The following GTF2IRD2B variants were observed in gnomAD, a reference collection of about 807,000 sequenced individuals.
The protein encoded by GTF2IRD2B is GTF2I repeat domain containing 2B.
In GTF2IRD2B, 10 loss-of-function variants were observed where a neutral mutation model predicts 55.6. That is an observed-to-expected ratio of 0.18 (90% CI 0.11 to 0.31). The LOEUF is 0.31. Among genes scored for constraint, GTF2IRD2B ranks in the 10% least tolerant of loss-of-function variants. GTF2IRD2B has a pLI of 1.00. For missense variants in GTF2IRD2B, 206 were observed against 802.7 expected (o/e 0.26, Z 8.98); for synonymous variants, 107 against 320.5 (o/e 0.33, Z 7.12).
At chr7:75,120,742 A>T (rs1554451836) in intron 3 of GTF2IRD2B, 149 bp from the exon 4 acceptor site, 8 of 1,002,948 alleles carry the variant, frequency 8.0e-6, no homozygotes, top group Non-Finnish European at 1.0e-5. Flanking sequence ...GTTTATCATA[A>T]ATACAATTTT....
intron 13 of GTF2IRD2B, among the ~76,000 whole-genome samples, chr7:75,141,700 CAAAAAAAAA>C (rs1182120810): frequency 1.1e-4 from 1 of 9,250 alleles, no homozygotes; most frequent in Admixed American, 8.6e-4. Context: ...GACCCTGTCT[CAAAAAAAAA>C]AAAAAAAAAA....
At chr7:75,104,428 A>T (rs1807700671) in intron 1 of GTF2IRD2B, among the ~76,000 whole-genome samples, 1 of 151,550 alleles carries the variant, frequency 6.6e-6, no homozygotes, top group Non-Finnish European at 1.5e-5. Flanking sequence ...CCATTTCTTA[A>T]TACACATTGA....
chr7:75,093,646 A>G (rs1209632889), intron 1 of GTF2IRD2B, among the ~76,000 whole-genome samples: 2 of 152,246 alleles, frequency 1.3e-5, no homozygotes, highest in Non-Finnish European at 2.9e-5. Context: ...TGTGGATAGA[A>G]TCATCCCAAG....
At chr7:75,130,587 C>T (rs1385066917) in intron 8 of GTF2IRD2B, among the ~76,000 whole-genome samples, 1 of 151,960 alleles carries the variant, frequency 6.6e-6, no homozygotes, top group African/African-American at 2.4e-5. Flanking sequence ...AAGTGATTCT[C>T]CTGCTTCAGC....
chr7:75,124,293 G>A (rs374110393), intron 6 of GTF2IRD2B, among the ~76,000 whole-genome samples: 11 of 152,304 alleles, frequency 7.2e-5, no homozygotes, highest in Admixed American at 4.6e-4. Flanking sequence ...ACTTGAACCC[G>A]AGATGTAGAG....
rs587631927 is a variant in GTF2IRD2B at position 75,119,990 on chromosome 7, G to C, written c.239-901G>C. On this transcript the variant is annotated intron_variant, in intron 3 of 15. Transcript: ENST00000472837. ...AAAAAATACAAAAACTTAGCCGGGC[G>C]TGGTGGCAGGCACCTGTAGTCCCAG... Among the ~76,000 whole-genome samples the C allele has an allele frequency of 3.9e-5, 5 of 129,564 alleles. No homozygotes were observed. In the East Asian group the frequency reaches 9.9e-4, roughly 26 times the overall value. 85.0% of individuals were successfully genotyped at this position (129,564 alleles called of 152,430 possible).
intron 11 of GTF2IRD2B, among the ~76,000 whole-genome samples, 178 bp downstream of exon 11, chr7:75,137,028 AC>A (rs1808860762): frequency 6.7e-6 from 1 of 148,948 alleles, no homozygotes; most frequent in Admixed American, 6.7e-5. Context: ...ACATGGCGAA[AC>A]CCTGTCTCTA....
chr7:75,114,237 T>G (rs1554451074), intron 3 of GTF2IRD2B, among the ~76,000 whole-genome samples: 1 of 151,408 alleles, frequency 6.6e-6, no homozygotes, highest in African/African-American at 2.4e-5. Context: ...TAATACAGTA[T>G]GTAACTGATA....
chr7:75,102,095 C>T (rs1264870384), intron 1 of GTF2IRD2B, among the ~76,000 whole-genome samples: 7 of 150,550 alleles, frequency 4.6e-5, no homozygotes, highest in African/African-American at 7.3e-5. Context: ...CTCCGCCTCC[C>T]GGGTTCAAGA....
chr7:75,124,300 A>G (rs1808483833), intron 6 of GTF2IRD2B, among the ~76,000 whole-genome samples: 1 of 152,306 alleles, frequency 6.6e-6, no homozygotes, highest in East Asian at 1.9e-4. Flanking sequence ...CCCGAGATGT[A>G]GAGTTTGCAG....
At chr7:75,115,346 G>C (rs1236790872) in intron 3 of GTF2IRD2B, among the ~76,000 whole-genome samples, 2 of 150,836 alleles carry the variant, frequency 1.3e-5, no homozygotes, top group Non-Finnish European at 3.0e-5. Context: ...AAATCAGGAA[G>C]TATGAGACCT....
chr7:75,099,780 A>G (rs1266808670), intron 1 of GTF2IRD2B, among the ~76,000 whole-genome samples: 1 of 141,620 alleles, frequency 7.1e-6, no homozygotes, highest in African/African-American at 2.6e-5. Context: ...AAATAAATAA[A>G]TAAAACATAA....
chr7:75,149,709 TTCA>T lies in GTF2IRD2B; in HGVS notation c.*413_*415del, dbSNP rs1809271552. ...ATGAGTTCTTAAACTTTTTTTTTTT[TTCA>T]GTTTTTTTTCCACTTTGAATCAGAA... On this transcript the variant is annotated 3_prime_UTR_variant, in exon 16 of 16. Coordinates refer to ENST00000472837, the MANE Select transcript of GTF2IRD2B (RefSeq NM_001003795.3). 4.9e-6 allele frequency: 1 copy of T among 204,680 alleles called. No individual in the cohort carries two copies. Among genetic ancestry groups the T allele is most frequent in the African/African-American group, 2.5e-5 (1 of 39,736 alleles). 12.7% of individuals were successfully genotyped at this position (204,680 alleles called of 1,614,324 possible).
chr7:75,114,576 C>T (rs1465946308), intron 3 of GTF2IRD2B, among the ~76,000 whole-genome samples: 1 of 151,356 alleles, frequency 6.6e-6, no homozygotes, highest in Non-Finnish European at 1.5e-5. Context: ...AACCCTTGCC[C>T]CCACTTCCCT....
At chr7:75,102,589 T>C (rs1554449640) in intron 1 of GTF2IRD2B, among the ~76,000 whole-genome samples, 2 of 150,848 alleles carry the variant, frequency 1.3e-5, no homozygotes, top group Non-Finnish European at 3.0e-5. Flanking sequence ...AGTCCAGGAG[T>C]TGGAGGCTGC....
At chr7:75,102,326 C>A (rs1250882935) in intron 1 of GTF2IRD2B, among the ~76,000 whole-genome samples, 4 of 150,672 alleles carry the variant, frequency 2.7e-5, no homozygotes, top group Non-Finnish European at 4.4e-5. Context: ...TGAACATTTT[C>A]ATCACTCTGA....
intron 3 of GTF2IRD2B, among the ~76,000 whole-genome samples, chr7:75,115,127 G>A (rs1262973886): frequency 7.6e-6 from 1 of 131,188 alleles, no homozygotes; most frequent in African/African-American, 2.9e-5. Flanking sequence ...TTTTGAGACA[G>A]GGTTTTACTA....
At chr7:75,103,625 C>T (rs1554449789) in intron 1 of GTF2IRD2B, among the ~76,000 whole-genome samples, 1 of 151,780 alleles carries the variant, frequency 6.6e-6, no homozygotes, top group Non-Finnish European at 1.5e-5. Flanking sequence ...TCTGATGTGA[C>T]CCGGATGCAC....
At chr7:75,103,628 G>A (rs1160344816) in intron 1 of GTF2IRD2B, among the ~76,000 whole-genome samples, 5 of 151,772 alleles carry the variant, frequency 3.3e-5, no homozygotes, top group South Asian at 2.1e-4. Context: ...GATGTGACCC[G>A]GATGCACCCA....
Sources: gnomAD v4.1 joint callset for allele counts (sites outside exome capture counted in the v4.1 genomes callset) on GRCh38, gnomAD v4.1.1 for gene constraint, MANE v1.5 for transcripts, NCBI Gene and HGNC (gene_info 2026-07-23, HGNC 2026-07-21) for gene names.